Variants in TPH2 observed in about 807,000 individuals in gnomAD.
TPH2 encodes the protein tryptophan 5-hydroxylase 2.
A neutral mutation model predicts 59.1 loss-of-function variants in TPH2; 27 were observed. That is an observed-to-expected ratio of 0.46 (90% CI 0.34 to 0.63). The LOEUF (loss-of-function observed/expected upper bound fraction) is 0.63. Among genes scored for constraint, TPH2 ranks in the 30% least tolerant of loss-of-function variants. The pLI is 0.01. For missense variants in TPH2, 523 were observed against 588.3 expected (o/e 0.89, Z 1.15); for synonymous variants, 220 against 210.5 (o/e 1.05, Z -0.39).
chr12:71,970,034 T>A (rs1021180204), intron 5 of TPH2, among the ~76,000 whole-genome samples: 1 of 152,266 alleles, frequency 6.6e-6, no homozygotes, highest in African/African-American at 2.4e-5. Flanking sequence ...ATGCTTGTAT[T>A]AACTACATAG....
At chr12:71,947,597 A>G (rs1245739361) in intron 4 of TPH2, among the ~76,000 whole-genome samples, 1 of 151,998 alleles carries the variant, frequency 6.6e-6, no homozygotes, top group Admixed American at 6.6e-5. Flanking sequence ...CTGAAATTCA[A>G]ATTTAACTGA....
intron 8 of TPH2, among the ~76,000 whole-genome samples, chr12:72,012,173 TCAACAACAA>T (rs58438005): frequency 1.3e-5 from 2 of 151,536 alleles, no homozygotes; most frequent in Non-Finnish European, 2.9e-5. Context: ...GAGCAGGAAT[TCAACAACAA>T]CAACAACAAC....
At chr12:71,991,009 ATTTC>A (rs1468207329) in intron 7 of TPH2, among the ~76,000 whole-genome samples, 1 of 152,116 alleles carries the variant, frequency 6.6e-6, no homozygotes, top group Admixed American at 6.5e-5. Context: ...CAAATTTATA[ATTTC>A]TTTTATCCTC....
chr12:71,941,259 C>T (rs1300263011), intron 1 of TPH2, among the ~76,000 whole-genome samples: 1 of 152,002 alleles, frequency 6.6e-6, no homozygotes, highest in African/African-American at 2.4e-5. Flanking sequence ...GTAAAATAAT[C>T]CTAGAAAGGC....
intron 5 of TPH2, among the ~76,000 whole-genome samples, chr12:71,970,434 G>A (rs923200160): frequency 9.2e-5 from 14 of 152,186 alleles, no homozygotes; most frequent in Non-Finnish European, 2.9e-5. Flanking sequence ...TCTGCCTGTT[G>A]AATATTCAGG....
At chr12:72,015,345 A>T (rs1592412351) in intron 8 of TPH2, among the ~76,000 whole-genome samples, 2 of 100,132 alleles carry the variant, frequency 2.0e-5, no homozygotes, top group South Asian at 3.6e-4. Context: ...TTTGAGATGG[A>T]GTCTCACTCT....
At chr12:72,022,738 T>G (rs1873454473) in intron 9 of TPH2, among the ~76,000 whole-genome samples, 1 of 152,200 alleles carries the variant, frequency 6.6e-6, no homozygotes, top group Non-Finnish European at 1.5e-5. Context: ...TCAACAGCAA[T>G]GACAAATGTA....
chr12:71,953,431 G>A (rs1025324942), intron 5 of TPH2, among the ~76,000 whole-genome samples: 8 of 152,086 alleles, frequency 5.3e-5, no homozygotes, highest in African/African-American at 1.9e-4. Context: ...GGTGCTGGTG[G>A]GGGTGGGGCA....
At position 72,031,792 on chromosome 12, in the gene TPH2, T is replaced by C; in HGVS notation, c.*97T>C. On this transcript the variant is annotated 3_prime_UTR_variant, in exon 11 of 11. Transcript: ENST00000333850. ...GCAAATAACCTTCTGTGTCATGGCT[T>C]GGCTAATAAGCATGCAATTCCATAT... 2.8e-6 allele frequency: 4 copies of C among 1,441,580 alleles called. No individual in the cohort carries two copies. The highest frequency in any genetic ancestry group is 3.9e-6 in the Non-Finnish European group (4 of 1,028,578). The allele number at this position is 1,441,580 out of a possible 1,614,324, so 89.3% of individuals were successfully genotyped here. A position where few individuals can be genotyped will look rare whatever the true frequency, so the allele number is the denominator to read the frequency against.
At chr12:71,994,625 G>A (rs1872651613) in intron 8 of TPH2, 60 bp downstream of exon 8, 4 of 1,599,434 alleles carry the variant, frequency 2.5e-6, no homozygotes, top group Non-Finnish European at 3.4e-6. Flanking sequence ...GGTAAAGAAA[G>A]CTTCAGGATT....
intron 4 of TPH2, 79 bp downstream of exon 4, chr12:71,944,765 C>G: frequency 8.0e-7 from 1 of 1,251,336 alleles, no homozygotes. Flanking sequence ...ATGTTCTGTG[C>G]TGCAATGCTT....
At chr12:72,005,044 T>C (rs907239068) in intron 8 of TPH2, among the ~76,000 whole-genome samples, 1 of 152,194 alleles carries the variant, frequency 6.6e-6, no homozygotes, top group African/African-American at 2.4e-5. Context: ...GAGTTTTATA[T>C]GCTTGCCACT....
chr12:71,950,650 C>T (rs11179004), intron 5 of TPH2, among the ~76,000 whole-genome samples: 6,982 of 152,192 alleles, frequency 0.046, 237 homozygotes, highest in South Asian at 0.13. Flanking sequence ...GATCAAGCTA[C>T]AGGAAACTTG....
Position 71,944,674 on chromosome 12 carries a change from T to C in TPH2, c.528T>C (p.Asp176=), listed in dbSNP as rs1373509554. The part of the protein sequence containing the change: ...HRVLMYGSEL[D]ADHPGFKDNV... ...TTCTCATGTATGGTTCTGAGCTTGA[T>C]GCTGACCACCCAGTAAGTGTCCAGT... The change falls in exon 4 of 11, where the codon GAT becomes GAC. Residue 176 remains aspartate, a synonymous_variant. Coordinates refer to ENST00000333850, the MANE Select transcript of TPH2 (RefSeq NM_173353.4). The C allele has an allele frequency of 1.2e-6, 2 of 1,613,868 alleles. No individual in the cohort carries two copies. Among genetic ancestry groups the C allele is most frequent in the Admixed American group, 1.7e-5 (1 of 60,000 alleles).
chr12:72,014,714 T>A (rs534347352), intron 8 of TPH2, among the ~76,000 whole-genome samples: 4 of 152,242 alleles, frequency 2.6e-5, no homozygotes, highest in African/African-American at 9.6e-5. Flanking sequence ...AACTCAAGAA[T>A]GCTTGCCCTG....
chr12:71,943,054 CA>C (rs1442699502), intron 2 of TPH2, among the ~76,000 whole-genome samples: 1 of 152,134 alleles, frequency 6.6e-6, no homozygotes, highest in Non-Finnish European at 1.5e-5. Flanking sequence ...CTGCTTCAAC[CA>C]AAGGTCATTA....
intron 9 of TPH2, among the ~76,000 whole-genome samples, chr12:72,030,946 A>G (rs903532222): frequency 3.9e-5 from 6 of 152,118 alleles, no homozygotes; most frequent in African/African-American, 1.4e-4. Context: ...TTAAAATCCC[A>G]TTTCTGTGGG....
chr12:71,958,289 C>A (rs1197710778), intron 5 of TPH2, among the ~76,000 whole-genome samples: 1 of 152,146 alleles, frequency 6.6e-6, no homozygotes, highest in African/African-American at 2.4e-5. Context: ...CCAAGAATGC[C>A]TCTGGTAGAA....
intron 4 of TPH2, among the ~76,000 whole-genome samples, chr12:71,946,701 G>T (rs1291337645): frequency 6.6e-6 from 1 of 152,106 alleles, no homozygotes; most frequent in African/African-American, 2.4e-5. Flanking sequence ...TTCTGCCTGG[G>T]AATAATCCCA....
Sources: gnomAD v4.1 joint callset for allele counts (sites outside exome capture counted in the v4.1 genomes callset) on GRCh38, gnomAD v4.1.1 for gene constraint, MANE v1.5 for transcripts, NCBI Gene and HGNC (gene_info 2026-07-23, HGNC 2026-07-21) for gene names.